The following EHD4 variants were observed in gnomAD, a reference collection of about 807,000 sequenced individuals.
EHD4 encodes EH domain-containing protein 4.
EHD4 carries 37 observed loss-of-function variants against 51.0 expected under a neutral mutation model. That is an observed-to-expected ratio of 0.73 (90% CI 0.56 to 0.95). The LOEUF is 0.95. Among genes scored for constraint, EHD4 ranks in the 40% least tolerant of loss-of-function variants. The probability of loss-of-function intolerance (pLI) is 0.00; values close to 1 mark genes in which losing one functional copy is unlikely to be tolerated. For synonymous variants in EHD4, 297 were observed against 317.3 expected (o/e 0.94, Z 0.68); for missense variants, 632 against 733.1 (o/e 0.86, Z 1.59).
intron 5 of EHD4, among the ~76,000 whole-genome samples, chr15:41,902,910 T>C (rs1338389832): frequency 1.3e-5 from 2 of 150,572 alleles, no homozygotes; most frequent in African/African-American, 4.9e-5. Context: ...AACTACCGCC[T>C]GTATAAGGAG....
chr15:41,937,013 G>T (rs562802809), intron 3 of EHD4, among the ~76,000 whole-genome samples: 1 of 152,340 alleles, frequency 6.6e-6, no homozygotes, highest in Non-Finnish European at 1.5e-5. Context: ...CTCCAGGGAT[G>T]GACACTTTTC....
rs145578237 is a variant in EHD4 at position 41,900,692 on chromosome 15, G to A, written c.1579C>T (p.His527Tyr). The part of the protein sequence containing the change: ...GYELPSSLPP[H>Y]LVPPSHRKSL... ...TTCCTGTGCGAGGGGGGCACGAGGT[G>A]GGGGGGCAGGCTGCTGGGCAGCTCG... The change falls in exon 6 of 6, where the codon CAC becomes TAC. Residue 527 changes from histidine to tyrosine, a missense_variant. Transcript: ENST00000220325. This position sits in a 1 kb window ranked among gnomAD's most constrained non-coding sequence, Gnocchi z 4.8. The A allele has an allele frequency of 1.6e-5, 26 of 1,605,232 alleles. 1 individual carries two copies. The highest frequency in any genetic ancestry group is 8.9e-5 in the East Asian group (4 of 44,838).
In EHD4 at chr15:41,900,781, C is replaced by T. The variant is rs1271735121; in HGVS notation, c.1490G>A (p.Gly497Asp). The T allele has an allele frequency of 1.2e-6, 2 of 1,614,166 alleles. No homozygotes were observed. Among genetic ancestry groups the T allele is most frequent in the Non-Finnish European group, 1.7e-6 (2 of 1,180,050 alleles). ...CGCGAACTCCTCCTCATCAAGCATG[C>T]CGTCGCAGTCGCAGTCGGCCAGCTT... ...IWKLADCDCD[G>D]MLDEEEFALA... The change falls in exon 6 of 6, where the codon GGC becomes GAC. Residue 497 changes from glycine to aspartate, a missense_variant. Transcript: ENST00000220325. This position sits in a 1 kb window ranked among gnomAD's most constrained non-coding sequence, Gnocchi z 4.8.
intron 2 of EHD4, among the ~76,000 whole-genome samples, chr15:41,944,180 T>C (rs1234943985): frequency 2.0e-5 from 3 of 152,174 alleles, no homozygotes; most frequent in Non-Finnish European, 4.4e-5. Context: ...CTCTGGGTCT[T>C]GGGTTCCTCA....
chr15:41,922,925 C>T (rs928858966), intron 3 of EHD4, among the ~76,000 whole-genome samples: 2 of 152,152 alleles, frequency 1.3e-5, no homozygotes, highest in East Asian at 1.9e-4. Flanking sequence ...GTCTGTCACA[C>T]ATCAGGCAAC....
At chr15:41,944,803 A>G (rs2067800357) in intron 2 of EHD4, among the ~76,000 whole-genome samples, 1 of 152,202 alleles carries the variant, frequency 6.6e-6, no homozygotes, top group Non-Finnish European at 1.5e-5. Context: ...CCACAAAGTT[A>G]AAAACCTCAT....
At position 41,919,823 on chromosome 15, in the gene EHD4, G is replaced by A. The variant is rs531408634; in HGVS notation, c.512-201C>T. 7.9e-5 allele frequency among the ~76,000 whole-genome samples: 12 copies of A among 151,564 alleles called. No individual in the cohort carries two copies. The East Asian group carries it at 2.4e-3, about 31-fold the overall frequency. ...AAGGACCTGGGGAGCCCTTCCACAG[G>A]AGGAGGGAGGAAAGAGAATGGGGCT... On this transcript the variant is annotated intron_variant, in intron 3 of 5. Transcript: ENST00000220325.
At chr15:41,910,268 G>A (rs2067540423) in intron 4 of EHD4, among the ~76,000 whole-genome samples, 1 of 152,166 alleles carries the variant, frequency 6.6e-6, no homozygotes, top group African/African-American at 2.4e-5. Flanking sequence ...ATGGAAATCT[G>A]TACCCAGTGA....
Position 41,953,814 on chromosome 15 carries a change from G to A in EHD4, c.363C>T (p.Pro121=). ...GACTGAGCTTTCTAAACGGCTTTTTGGGGTCCACGACTAAAGCATTCCCTG... is the reference window on the plus strand; with the variant it reads ...GACTGAGCTTTCTAAACGGCTTTTTAGGGTCCACGACTAAAGCATTCCCTG... ...STPGNALVVD[P]KKPFRKLSRF... Residue 121 remains proline, a synonymous_variant, in exon 2 of 6, where the codon CCC becomes CCT. Coordinates refer to ENST00000220325, the MANE Select transcript of EHD4 (RefSeq NM_139265.4). 9 of 1,612,406 alleles carry A rather than the reference G, an allele frequency of 5.6e-6. No homozygotes were observed. The highest frequency in any genetic ancestry group is 7.6e-6 in the Non-Finnish European group (9 of 1,179,528).
intron 1 of EHD4, among the ~76,000 whole-genome samples, chr15:41,965,345 T>C (rs1303052037): frequency 2.6e-5 from 4 of 152,216 alleles, no homozygotes; most frequent in African/African-American, 7.2e-5. Flanking sequence ...ATTTACACAA[T>C]CCTCAGTTTT....
intron 1 of EHD4, among the ~76,000 whole-genome samples, chr15:41,966,827 C>G (rs1019020986): frequency 6.6e-6 from 1 of 152,232 alleles, no homozygotes; most frequent in Non-Finnish European, 1.5e-5. Flanking sequence ...TGAGACAGCA[C>G]TGAGCCACTA....
In EHD4 at chr15:41,963,296, T is replaced by TAA. The variant is rs35077069; in HGVS notation, c.236+8961_236+8962dup. On this transcript the variant is annotated intron_variant, in intron 1 of 5. Transcript: ENST00000220325. ...ACACCCAAGAATGATCAATAAATAC[T>TAA]AAAAAAAAAAAAAAAAAAGAGGCAG... 7.3e-3 allele frequency among the ~76,000 whole-genome samples: 925 copies of TAA among 126,932 alleles called. 13 individuals carry two copies. The highest frequency in any genetic ancestry group is 0.016 in the African/African-American group (505 of 32,308). The allele number at this position is 126,932 out of a possible 152,430, so 83.3% of individuals were successfully genotyped here.
At chr15:41,958,220 TC>T (rs899510101) in intron 1 of EHD4, among the ~76,000 whole-genome samples, 57 of 151,594 alleles carry the variant, frequency 3.8e-4, no homozygotes, top group African/African-American at 1.3e-3. Flanking sequence ...TCCACTTTGC[TC>T]CCCCTTTCCT....
At chr15:41,941,834 G>T (rs1454600433) in intron 3 of EHD4, 1 of 152,120 alleles carries the variant, frequency 6.6e-6, no homozygotes, top group Non-Finnish European at 1.5e-5. Context: ...CCCTGTCACG[G>T]GACCCTCACT....
chr15:41,949,016 CTATATATATATA>C lies in EHD4; in HGVS notation c.413+4736_413+4747del, dbSNP rs3035677. On this transcript the variant is annotated intron_variant, in intron 2 of 5. Coordinates refer to ENST00000220325, the MANE Select transcript of EHD4 (RefSeq NM_139265.4). ...CTCCAGCCTGGGCAACAGAGTGAGA[CTATATATATATA>C]TATATATATATATATATATATATAC... Among the ~76,000 whole-genome samples the C allele has an allele frequency of 3.5e-4, 32 of 92,464 alleles. 2 individuals carry two copies. Among genetic ancestry groups the C allele is most frequent in the South Asian group, 1.8e-3 (3 of 1,664 alleles). 60.7% of individuals were successfully genotyped at this position (92,464 alleles called of 152,430 possible). A position where few individuals can be genotyped will look rare whatever the true frequency, so the allele number is the denominator to read the frequency against.
chr15:41,943,141 T>G lies in EHD4; in HGVS notation c.437A>C (p.Asn146Thr). The change falls in exon 3 of 6, where the codon AAT (asparagine) becomes ACT (threonine). Residue 146 changes from asparagine to threonine, a missense_variant. Coordinates refer to ENST00000220325, the MANE Select transcript of EHD4 (RefSeq NM_139265.4). Reference protein sequence around the residue: ...LNRFMCSQLPNQVLKSISVID... With the variant: ...LNRFMCSQLPTQVLKSISVID... The stretch of plus-strand genomic sequence containing the variant: ...GACGCTGATGCTCTTCAGGACCTGA[T>G]TGGGGAGCTGTGAGCACATGAATCT... 1 of 1,591,774 alleles carries G rather than the reference T, an allele frequency of 6.3e-7. No homozygotes were observed. The highest frequency in any genetic ancestry group is 8.6e-7 in the Non-Finnish European group (1 of 1,169,138).
Position 41,937,448 on chromosome 15 carries a change from G to A in EHD4, c.511+5619C>T, listed in dbSNP as rs897711362. 3.9e-5 allele frequency among the ~76,000 whole-genome samples: 6 copies of A among 152,196 alleles called. No homozygotes were observed. The East Asian group carries it at 5.8e-4, about 15-fold the overall frequency. ...GTTTGTCTGCACGCTGGCCTACAGC[G>A]CCCTGCCTTGGCTGGCTAGAGAGCT... On this transcript the variant is annotated intron_variant, in intron 3 of 5. Coordinates refer to ENST00000220325, the MANE Select transcript of EHD4 (RefSeq NM_139265.4).
Position 41,897,858 on chromosome 15 carries a change from C to G in EHD4, c.*2787G>C, listed in dbSNP as rs2067449779. Reference sequence around the variant, plus strand: ...AGGTACTTCCACCCTCTCTCCTATACATAAACACTCTGTGGAAGAGGTTCT... The same window carrying G: ...AGGTACTTCCACCCTCTCTCCTATAGATAAACACTCTGTGGAAGAGGTTCT... On this transcript the variant is annotated 3_prime_UTR_variant, in exon 6 of 6. Transcript: ENST00000220325. The G allele has an allele frequency of 6.6e-6, 1 of 152,282 alleles. No individual in the cohort carries two copies. The highest frequency in any genetic ancestry group is 1.5e-5 in the Non-Finnish European group (1 of 68,090). 9.4% of individuals were successfully genotyped at this position (152,282 alleles called of 1,614,324 possible). A position where few individuals can be genotyped will look rare whatever the true frequency, so the allele number is the denominator to read the frequency against.
intron 1 of EHD4, among the ~76,000 whole-genome samples, chr15:41,959,812 G>A (rs973668139): frequency 2.6e-5 from 4 of 151,764 alleles, no homozygotes; most frequent in South Asian, 2.1e-4. Context: ...TCTACTAAAA[G>A]CACAAAAATT....
Sources: allele counts gnomAD v4.1 joint callset (sites outside exome capture counted in the v4.1 genomes callset), GRCh38; gene constraint gnomAD v4.1.1; non-coding constraint Gnocchi (gnomAD v3.1); transcripts MANE v1.5; gene names NCBI Gene and HGNC (gene_info 2026-07-23, HGNC 2026-07-21).